NPAS3: variants seen among roughly 807,000 people sequenced by gnomAD.
The protein encoded by NPAS3 is neuronal PAS domain protein 3.
In NPAS3, 14 loss-of-function variants were observed where a neutral mutation model predicts 73.1. The ratio of observed to expected loss-of-function variants is 0.19; its 90% CI spans 0.13 to 0.30. The LOEUF (loss-of-function observed/expected upper bound fraction) is 0.30, where lower values mean the gene tolerates loss of function less well. NPAS3 is among the 10% of genes least tolerant of loss of function. NPAS3 has a pLI of 1.00. For synonymous variants in NPAS3, 620 were observed against 541.5 expected (o/e 1.14, Z -2.01); for missense variants, 1,096 against 1,250.0 (o/e 0.88, Z 1.86).
chr14:33,482,265 T>C (rs1001035221), intron 4 of NPAS3, among the ~76,000 whole-genome samples: 1 of 152,194 alleles, frequency 6.6e-6, no homozygotes, highest in Non-Finnish European at 1.5e-5. Context: ...TGTTTTAAGA[T>C]AGATGTTCAC....
intron 3 of NPAS3, among the ~76,000 whole-genome samples, chr14:33,222,726 G>A (rs1431392510): frequency 1.3e-5 from 2 of 152,128 alleles, no homozygotes; most frequent in African/African-American, 4.8e-5. Flanking sequence ...GTTTTAAGTT[G>A]AATTGTGTAG....
chr14:33,189,101 T>C (rs1016877806), intron 2 of NPAS3, among the ~76,000 whole-genome samples: 6 of 152,176 alleles, frequency 3.9e-5, no homozygotes, highest in African/African-American at 1.4e-4. Flanking sequence ...GCTACACTTA[T>C]TGGAAGGCTG....
At position 33,145,559 on chromosome 14, in the gene NPAS3, A is replaced by C. The variant is rs1439934380; in HGVS notation, c.141-69623A>C. ...CACTCAAATGATAGATCTACTTTCT[A>C]TTCTTCCTAATAATCCTCTCATCAT... On this transcript the variant is annotated intron_variant, in intron 2 of 11. Coordinates refer to ENST00000356141, the Ensembl canonical transcript of NPAS3. Among the ~76,000 whole-genome samples the C allele has an allele frequency of 3.3e-5, 5 of 151,786 alleles. No individual in the cohort carries two copies. In the East Asian group the frequency reaches 9.7e-4, roughly 29 times the overall value.
intron 4 of NPAS3, among the ~76,000 whole-genome samples, chr14:33,529,294 G>A (rs1325799637): frequency 1.3e-5 from 2 of 152,104 alleles, no homozygotes; most frequent in African/African-American, 4.8e-5. Context: ...TCTTCCCTAG[G>A]AAGAAAACTA....
At chr14:33,657,129 CTA>C (rs1459141665) in intron 5 of NPAS3, among the ~76,000 whole-genome samples, 5 of 152,198 alleles carry the variant, frequency 3.3e-5, no homozygotes, top group Non-Finnish European at 7.3e-5. Flanking sequence ...ACAAATACTT[CTA>C]TGTGAAAGCT....
chr14:32,936,515 CTT>C (rs2035699034), upstream of NPAS3, among the ~76,000 whole-genome samples: 1 of 151,926 alleles, frequency 6.6e-6, no homozygotes, highest in Non-Finnish European at 1.5e-5. Context: ...TTTTTGGTCA[CTT>C]ATACAACATT....
chr14:33,457,968 C>T lies in NPAS3; in HGVS notation c.468+90700C>T, dbSNP rs955588259. On this transcript the variant is annotated intron_variant, in intron 4 of 11. Coordinates refer to ENST00000356141, the Ensembl canonical transcript of NPAS3. ...ATAAACTAAATAAGACAGTGGAAACCGCGACAGGTTCCCAAAGGCTCACTG... is the reference window on the plus strand; with the variant it reads ...ATAAACTAAATAAGACAGTGGAAACTGCGACAGGTTCCCAAAGGCTCACTG... Among the ~76,000 whole-genome samples the T allele has an allele frequency of 5.3e-5, 8 of 152,198 alleles. No individual in the cohort carries two copies. In the East Asian group the frequency reaches 1.2e-3, roughly 22 times the overall value.
chr14:33,329,096 T>G (rs180685920), intron 3 of NPAS3, among the ~76,000 whole-genome samples: 77 of 152,280 alleles, frequency 5.1e-4, no homozygotes, highest in African/African-American at 1.8e-3. Context: ...CTCCCTAAAT[T>G]GATAGCTCAG....
At chr14:33,384,675 G>A (rs1315156) in intron 4 of NPAS3, among the ~76,000 whole-genome samples, 42,121 of 152,006 alleles carry the variant, frequency 0.28, 6,635 homozygotes, top group African/African-American at 0.42. Flanking sequence ...GGTTGCAGTG[G>A]GCCGAGATCG....
intron 6 of NPAS3, among the ~76,000 whole-genome samples, chr14:33,715,082 A>G (rs2060922365): frequency 6.6e-6 from 1 of 152,162 alleles, no homozygotes; most frequent in African/African-American, 2.4e-5. Context: ...CAGCAGTGTC[A>G]TTTGACCCAG....
chr14:33,680,538 A>G (rs1413454624), intron 6 of NPAS3: 3 of 699,930 alleles, frequency 4.3e-6, no homozygotes, highest in Non-Finnish European at 2.6e-6. Context: ...TAATGCATAT[A>G]CTTCTGGTAA....
intron 7 of NPAS3, among the ~76,000 whole-genome samples, chr14:33,749,989 A>G (rs2140752775): frequency 6.6e-6 from 1 of 152,346 alleles, no homozygotes; most frequent in Admixed American, 6.5e-5. Context: ...TCTTGGATTC[A>G]TAAATCACAC....
chr14:33,633,823 T>TA (rs1025003520), intron 5 of NPAS3, among the ~76,000 whole-genome samples: 2 of 151,806 alleles, frequency 1.3e-5, no homozygotes, highest in South Asian at 2.1e-4. Flanking sequence ...CTACAAAAAA[T>TA]AAAAAATTAG....
At chr14:33,118,577 T>C (rs1407508883) in intron 2 of NPAS3, among the ~76,000 whole-genome samples, 1 of 152,154 alleles carries the variant, frequency 6.6e-6, no homozygotes, top group African/African-American at 2.4e-5. Flanking sequence ...TTTCTTGTTA[T>C]AAATATGCTT....
At chr14:33,287,581 T>A (rs1363181487) in intron 3 of NPAS3, among the ~76,000 whole-genome samples, 4 of 152,128 alleles carry the variant, frequency 2.6e-5, no homozygotes, top group Non-Finnish European at 5.9e-5. Flanking sequence ...ATTCTCTCCA[T>A]ATTTACTTAC....
intron 3 of NPAS3, among the ~76,000 whole-genome samples, chr14:33,285,902 A>G (rs1190440807): frequency 6.6e-6 from 1 of 152,064 alleles, no homozygotes; most frequent in East Asian, 1.9e-4. Flanking sequence ...GTAAGACTGA[A>G]TTTGTTGCAC....
At chr14:33,705,500 G>C (rs1221072839) in intron 6 of NPAS3, among the ~76,000 whole-genome samples, 1 of 152,194 alleles carries the variant, frequency 6.6e-6, no homozygotes, top group East Asian at 1.9e-4. Context: ...ATCGGCTACT[G>C]TATTTAAATG....
chr14:33,354,412 AC>A (rs1159237278), intron 3 of NPAS3, among the ~76,000 whole-genome samples: 2 of 151,910 alleles, frequency 1.3e-5, no homozygotes, highest in African/African-American at 4.8e-5. Context: ...CGCTTTATCC[AC>A]CCTCTGCTCT....
At chr14:33,287,856 C>T (rs1001051390) in intron 3 of NPAS3, among the ~76,000 whole-genome samples, 1 of 152,264 alleles carries the variant, frequency 6.6e-6, no homozygotes, top group East Asian at 1.9e-4. Flanking sequence ...GAATTCAGTG[C>T]ATGTACATTC....
Sources: gnomAD v4.1 joint callset for allele counts (sites outside exome capture counted in the v4.1 genomes callset) on GRCh38, gnomAD v4.1.1 for gene constraint, MANE v1.5 for transcripts, NCBI Gene and HGNC (gene_info 2026-07-23, HGNC 2026-07-21) for gene names.